The following CAPN9 variants were observed in gnomAD, a reference collection of about 807,000 sequenced individuals.
CAPN9 encodes calpain-9.
CAPN9 carries 81 observed loss-of-function variants against 92.8 expected under a neutral mutation model. That is an observed-to-expected ratio of 0.87 (90% CI 0.73 to 1.05). CAPN9 has a LOEUF of 1.05. Among genes scored for constraint, CAPN9 ranks in the 50% least tolerant of loss-of-function variants. CAPN9 has a pLI of 0.00. For synonymous variants in CAPN9, 304 were observed against 328.0 expected (o/e 0.93, Z 0.79); for missense variants, 848 against 866.2 (o/e 0.98, Z 0.26).
intron 13 of CAPN9, 32 bp downstream of exon 13, chr1:230,787,634 A>G (rs1558113059): frequency 6.3e-7 from 1 of 1,587,800 alleles, no homozygotes. Flanking sequence ...TCTCCCCACC[A>G]GGCTGAGGGC....
At chr1:230,789,763 G>A (rs1298101950) in intron 13 of CAPN9, among the ~76,000 whole-genome samples, 2 of 152,166 alleles carry the variant, frequency 1.3e-5, no homozygotes, top group African/African-American at 4.8e-5. Context: ...ACTCAGTCTG[G>A]TTTTCCCAAA....
At chr1:230,761,732 T>A (rs1363131686) in intron 3 of CAPN9, among the ~76,000 whole-genome samples, 1 of 152,138 alleles carries the variant, frequency 6.6e-6, no homozygotes, top group Non-Finnish European at 1.5e-5. Context: ...TCTTAGAGGT[T>A]ACCTTAGGAT....
intron 2 of CAPN9, among the ~76,000 whole-genome samples, chr1:230,757,719 C>A (rs868675204): frequency 1.2e-3 from 127 of 104,128 alleles, no homozygotes; most frequent in South Asian, 2.2e-3. Context: ...ACATCTCTAT[C>A]AAAAAAAAAA....
chr1:230,753,911 C>A (rs898249661), intron 1 of CAPN9, among the ~76,000 whole-genome samples: 2 of 151,698 alleles, frequency 1.3e-5, no homozygotes, highest in African/African-American at 4.8e-5. Flanking sequence ...AGACGCCTCC[C>A]CTGCTGACTG....
intron 11 of CAPN9, among the ~76,000 whole-genome samples, chr1:230,783,969 AG>A (rs1293055428): frequency 2.0e-5 from 3 of 152,332 alleles, no homozygotes; most frequent in Non-Finnish European, 4.4e-5. Flanking sequence ...ACTGAAGCAA[AG>A]GTTATGTGTG....
intron 17 of CAPN9, 48 bp from the exon 18 acceptor site, chr1:230,795,115 C>G: frequency 8.9e-6 from 11 of 1,229,556 alleles, no homozygotes; most frequent in Non-Finnish European, 1.3e-5. Context: ...AGACTCACCT[C>G]GGGGCTCGGA....
chr1:230,793,567 C>T (rs1258898673), intron 17 of CAPN9, among the ~76,000 whole-genome samples: 2 of 152,208 alleles, frequency 1.3e-5, no homozygotes, highest in African/African-American at 2.4e-5. Context: ...TTTCCACGAG[C>T]GCTCTGCAGA....
chr1:230,780,413 C>G lies in CAPN9; in HGVS notation c.1272+77C>G, dbSNP rs548006202. On this transcript the variant is annotated intron_variant, in intron 10 of 19. Coordinates refer to ENST00000271971, the MANE Select transcript of CAPN9 (RefSeq NM_006615.3). The stretch of plus-strand genomic sequence containing the variant: ...CGCGGCTCCTCCTCGGTCTCACACC[C>G]GAGACTCAACCAAGAGTCCATGAAT... The G allele has an allele frequency of 2.6e-5, 41 of 1,594,726 alleles. 1 individual carries two copies. In the Admixed American group the frequency reaches 6.5e-4, roughly 25 times the overall value.
At chr1:230,763,180 A>G (rs950545605) in intron 4 of CAPN9, among the ~76,000 whole-genome samples, 3 of 152,184 alleles carry the variant, frequency 2.0e-5, no homozygotes, top group African/African-American at 7.2e-5. Context: ...TGTCCGTCCT[A>G]CGGGATGCTT....
rs200162449 is a variant in CAPN9, at chr1:230,789,500, A to AAAAAAAAAAG, written c.1600-632_1600-631insAAAAAAAAAG. On this transcript the variant is annotated intron_variant, in intron 13 of 19. Coordinates refer to ENST00000271971, the MANE Select transcript of CAPN9 (RefSeq NM_006615.3). ...AAAAAAAAAAAAAAAAAAAAAAAAA[A>AAAAAAAAAAG]GCCTGAGTCTCAGGGCAAGGTCTGA... Among the ~76,000 whole-genome samples the AAAAAAAAAAG allele has an allele frequency of 1.9e-3, 268 of 138,194 alleles. 7 individuals are homozygous for AAAAAAAAAAG. The highest frequency in any genetic ancestry group is 6.8e-3 in the African/African-American group (245 of 36,244). The allele number at this position is 138,194 out of a possible 152,430, so 90.7% of individuals were successfully genotyped here. A position where few individuals can be genotyped will look rare whatever the true frequency, so the allele number is the denominator to read the frequency against.
intron 14 of CAPN9, among the ~76,000 whole-genome samples, chr1:230,790,755 C>T (rs1398567421): frequency 6.6e-6 from 1 of 152,208 alleles, no homozygotes; most frequent in Non-Finnish European, 1.5e-5. Flanking sequence ...GCCTGGTCAA[C>T]ATGGTGAAAC....
At chr1:230,795,856 G>A (rs1039214365) in intron 18 of CAPN9, among the ~76,000 whole-genome samples, 1 of 152,126 alleles carries the variant, frequency 6.6e-6, no homozygotes, top group Non-Finnish European at 1.5e-5. Context: ...CTGTGTGCAG[G>A]TGCCAAAGGA....
chr1:230,798,941 A>G (rs1013884652), intron 19 of CAPN9, among the ~76,000 whole-genome samples: 6 of 152,180 alleles, frequency 3.9e-5, no homozygotes, highest in Non-Finnish European at 8.8e-5. Context: ...CGCTCTTGAG[A>G]CATTCTCCTG....
intron 1 of CAPN9, among the ~76,000 whole-genome samples, chr1:230,753,000 G>A (rs1558081719): frequency 6.6e-6 from 1 of 152,266 alleles, no homozygotes; most frequent in East Asian, 1.9e-4. Flanking sequence ...TCTGGGCTCA[G>A]CTCAGAGCCA....
intron 1 of CAPN9, among the ~76,000 whole-genome samples, chr1:230,751,710 A>T (rs1239254124): frequency 6.6e-6 from 1 of 152,076 alleles, no homozygotes; most frequent in Non-Finnish European, 1.5e-5. Flanking sequence ...TTTGTGAATT[A>T]TTCACTGTGC....
intron 11 of CAPN9, among the ~76,000 whole-genome samples, chr1:230,783,924 C>T (rs914246790): frequency 4.6e-5 from 7 of 152,144 alleles, no homozygotes; most frequent in South Asian, 2.1e-4. Flanking sequence ...TTCAGGCTGC[C>T]GAGGTCTCAG....
intron 19 of CAPN9, among the ~76,000 whole-genome samples, chr1:230,799,998 G>A (rs1668573677): frequency 6.6e-6 from 1 of 151,878 alleles, no homozygotes; most frequent in African/African-American, 2.4e-5. Context: ...CTAACACGGT[G>A]AAACCCCATC....
At chr1:230,751,223 C>T (rs1334861210) in intron 1 of CAPN9, among the ~76,000 whole-genome samples, 1 of 152,184 alleles carries the variant, frequency 6.6e-6, no homozygotes, top group Non-Finnish European at 1.5e-5. Context: ...CTGTGCTGCT[C>T]CCCTGACCCC....
rs1668134255 is a variant in CAPN9 at position 230,793,334 on chromosome 1, G to A, written c.1870+406G>A. Reference sequence around the variant, plus strand: ...TGTTATCGTGGATGAGACAGAGCATGCAGCACCCATGGTTTGGGGTCCGCA... The same window carrying A: ...TGTTATCGTGGATGAGACAGAGCATACAGCACCCATGGTTTGGGGTCCGCA... On this transcript the variant is annotated intron_variant, in intron 17 of 19. Transcript: ENST00000271971. 3.3e-5 allele frequency among the ~76,000 whole-genome samples: 5 copies of A among 152,184 alleles called. No individual in the cohort carries two copies. In the South Asian group the frequency reaches 1.0e-3, roughly 31 times the overall value.
Sources: gnomAD v4.1 joint callset for allele counts (sites outside exome capture counted in the v4.1 genomes callset) on GRCh38, gnomAD v4.1.1 for gene constraint, MANE v1.5 for transcripts, NCBI Gene and HGNC (gene_info 2026-07-23, HGNC 2026-07-21) for gene names.